The following EFNA5 variants were observed in gnomAD, a reference collection of about 807,000 sequenced individuals.
EFNA5 encodes ephrin A5.
In EFNA5, 5 loss-of-function variants were observed where a neutral mutation model predicts 22.9. The ratio of observed to expected loss-of-function variants is 0.22; its 90% confidence interval spans 0.11 to 0.46. The LOEUF is 0.46. EFNA5 is among the 20% of genes least tolerant of loss of function. The pLI is 0.99. For synonymous variants in EFNA5, 113 were observed against 112.2 expected (o/e 1.01, Z -0.04); for missense variants, 237 against 293.3 (o/e 0.81, Z 1.40).
intron 1 of EFNA5, among the ~76,000 whole-genome samples, chr5:107,457,729 GGA>G (rs1284779719): frequency 6.6e-6 from 1 of 152,122 alleles, no homozygotes; most frequent in Non-Finnish European, 1.5e-5. Context: ...AGTGTGAGCA[GGA>G]GAGAGAATAT....
At chr5:107,568,971 TA>T (rs886429106) in intron 1 of EFNA5, among the ~76,000 whole-genome samples, 12 of 152,166 alleles carry the variant, frequency 7.9e-5, no homozygotes, top group Non-Finnish European at 1.2e-4. Context: ...ATATGACTTA[TA>T]AAAATCACTA....
chr5:107,477,913 C>G (rs1750355290), intron 1 of EFNA5, among the ~76,000 whole-genome samples: 1 of 152,106 alleles, frequency 6.6e-6, no homozygotes, highest in African/African-American at 2.4e-5. Flanking sequence ...CTCACTTTAA[C>G]AAGCTATCAA....
At position 107,485,095 on chromosome 5, in the gene EFNA5, T is replaced by C. The variant is rs59540791; in HGVS notation, c.126-57586A>G. Among the ~76,000 whole-genome samples the C allele has an allele frequency of 2.8e-3, 431 of 151,462 alleles. 3 individuals carry two copies. Among genetic ancestry groups the C allele is most frequent in the African/African-American group, 0.01 (419 of 41,272 alleles). On this transcript the variant is annotated intron_variant, in intron 1 of 4. Coordinates refer to ENST00000333274, the MANE Select transcript of EFNA5 (RefSeq NM_001962.3). ...GATTTTTTTAAAAAAAGAAAAAAGG[T>C]AGGAAATACAAATCTAAGAGGAGGG...
chr5:107,418,519 A>G (rs903021250), intron 2 of EFNA5, among the ~76,000 whole-genome samples: 1 of 152,194 alleles, frequency 6.6e-6, no homozygotes, highest in Non-Finnish European at 1.5e-5. Context: ...GGGTAAAGGA[A>G]GCAAAAGGTG....
At chr5:107,419,654 A>C (rs1367744785) in intron 2 of EFNA5, among the ~76,000 whole-genome samples, 1 of 151,938 alleles carries the variant, frequency 6.6e-6, no homozygotes, top group East Asian at 1.9e-4. Flanking sequence ...CTGCCCTTCC[A>C]CTCTTCTGTA....
chr5:107,509,170 C>A (rs1351990283), intron 1 of EFNA5, among the ~76,000 whole-genome samples: 1 of 152,122 alleles, frequency 6.6e-6, no homozygotes, highest in African/African-American at 2.4e-5. Context: ...TGCAATTTTG[C>A]TAAAAATTTT....
chr5:107,665,396 C>T (rs1213566740), intron 1 of EFNA5, among the ~76,000 whole-genome samples: 2 of 152,304 alleles, frequency 1.3e-5, no homozygotes, highest in African/African-American at 4.8e-5. Context: ...ACTAAGTGTT[C>T]CCTCCAAACC....
chr5:107,608,522 AAT>A (rs772245203), intron 1 of EFNA5, among the ~76,000 whole-genome samples: 57 of 152,338 alleles, frequency 3.7e-4, no homozygotes, highest in Non-Finnish European at 5.9e-4. Flanking sequence ...ATCTCAGCTG[AAT>A]ATGTTCTTTG....
chr5:107,510,339 C>G (rs929528538), intron 1 of EFNA5, among the ~76,000 whole-genome samples: 8 of 152,222 alleles, frequency 5.3e-5, no homozygotes, highest in Admixed American at 2.6e-4. Context: ...AGGAATTGTT[C>G]ACCCTTTCCC....
chr5:107,399,371 G>A (rs1471246528), intron 2 of EFNA5, among the ~76,000 whole-genome samples: 15 of 74,044 alleles, frequency 2.0e-4, no homozygotes, highest in South Asian at 3.6e-4. Flanking sequence ...AAAGGAAGGA[G>A]GGAGGAAGGA....
At chr5:107,509,507 AT>A (rs1210214886) in intron 1 of EFNA5, among the ~76,000 whole-genome samples, 3 of 80,784 alleles carry the variant, frequency 3.7e-5, no homozygotes, top group African/African-American at 1.4e-4. Flanking sequence ...TTTTTTTTGT[AT>A]TTTTAGTGGA....
intron 1 of EFNA5, among the ~76,000 whole-genome samples, chr5:107,526,841 G>A (rs1219342152): frequency 6.6e-6 from 1 of 152,102 alleles, no homozygotes; most frequent in Non-Finnish European, 1.5e-5. Context: ...TAATAAAATA[G>A]CTTACAATGC....
chr5:107,383,427 A>T (rs114823005), intron 4 of EFNA5, among the ~76,000 whole-genome samples: 3 of 152,298 alleles, frequency 2.0e-5, no homozygotes, highest in African/African-American at 7.2e-5. Context: ...AGTAGAAGTA[A>T]AGGCCCTTAA....
intron 1 of EFNA5, among the ~76,000 whole-genome samples, chr5:107,546,545 G>A (rs573957955): frequency 3.3e-5 from 5 of 152,016 alleles, no homozygotes; most frequent in Non-Finnish European, 7.4e-5. Flanking sequence ...TTTATTCATC[G>A]TAGTATTACA....
chr5:107,654,278 G>A (rs1256018177), intron 1 of EFNA5, among the ~76,000 whole-genome samples: 1 of 152,066 alleles, frequency 6.6e-6, no homozygotes, highest in Non-Finnish European at 1.5e-5. Flanking sequence ...CATAAATATA[G>A]ACAGACCTTC....
At chr5:107,552,262 T>C (rs1461042573) in intron 1 of EFNA5, among the ~76,000 whole-genome samples, 2 of 152,058 alleles carry the variant, frequency 1.3e-5, no homozygotes, top group Non-Finnish European at 2.9e-5. Context: ...ATAGCAAAAG[T>C]GTTGTAAAAA....
intron 2 of EFNA5, among the ~76,000 whole-genome samples, chr5:107,408,418 T>C (rs1256421000): frequency 6.6e-6 from 1 of 152,214 alleles, no homozygotes; most frequent in Non-Finnish European, 1.5e-5. Flanking sequence ...ACAGACCACT[T>C]TTTAAAATGC....
At chr5:107,649,676 T>C (rs1750690662) in intron 1 of EFNA5, among the ~76,000 whole-genome samples, 1 of 152,206 alleles carries the variant, frequency 6.6e-6, no homozygotes, top group African/African-American at 2.4e-5. Context: ...GACTATGCTC[T>C]CTCTTTGACA....
chr5:107,561,669 G>GAA (rs1303018670), intron 1 of EFNA5, among the ~76,000 whole-genome samples: 1 of 151,954 alleles, frequency 6.6e-6, no homozygotes, highest in Non-Finnish European at 1.5e-5. Context: ...CACCTGGCCT[G>GAA]AAAAAAATAC....
Sources: allele counts gnomAD v4.1 joint callset (sites outside exome capture counted in the v4.1 genomes callset), GRCh38; gene constraint gnomAD v4.1.1; transcripts MANE v1.5; gene names NCBI Gene and HGNC (gene_info 2026-07-23, HGNC 2026-07-21).